Variants in HLCS observed in about 807,000 individuals in gnomAD.
HLCS encodes biotin--protein ligase.
HLCS carries 53 observed loss-of-function variants against 75.0 expected under a neutral mutation model. The ratio of observed to expected loss-of-function variants is 0.71; its 90% CI spans 0.57 to 0.89. The LOEUF (loss-of-function observed/expected upper bound fraction) is 0.89, where lower values mean the gene tolerates loss of function less well. Among genes scored for constraint, HLCS ranks in the 40% least tolerant of loss-of-function variants. HLCS has a pLI of 0.00. For synonymous variants in HLCS, 431 were observed against 428.6 expected (o/e 1.01, Z -0.07); for missense variants, 966 against 1,074.0 (o/e 0.90, Z 1.41).
intron 5 of HLCS, among the ~76,000 whole-genome samples, chr21:36,911,185 AT>A (rs1353879910): frequency 2.0e-5 from 3 of 152,130 alleles, no homozygotes; most frequent in African/African-American, 7.2e-5. Context: ...AGCCACCCTC[AT>A]CCCGTGGAGA....
chr21:36,769,647 GCT>G (rs2090163274), intron 6 of HLCS, among the ~76,000 whole-genome samples: 1 of 152,186 alleles, frequency 6.6e-6, no homozygotes, highest in Non-Finnish European at 1.5e-5. Flanking sequence ...CAGGAAAAGC[GCT>G]CTGTTTTGTA....
intron 6 of HLCS, among the ~76,000 whole-genome samples, chr21:36,786,989 A>T (rs1399565844): frequency 6.6e-6 from 1 of 152,228 alleles, no homozygotes; most frequent in Non-Finnish European, 1.5e-5. Context: ...CCCCAAGTGC[A>T]CTGAAAGATG....
intron 4 of HLCS, among the ~76,000 whole-genome samples, chr21:36,936,192 C>T (rs142590301): frequency 2.4e-4 from 37 of 152,244 alleles, no homozygotes; most frequent in African/African-American, 7.9e-4. Flanking sequence ...CTCAGTTAAC[C>T]AGCAAGCTCA....
intron 6 of HLCS, chr21:36,896,558 C>T (rs1475420986): frequency 7.0e-6 from 3 of 425,794 alleles, no homozygotes; most frequent in Admixed American, 3.8e-5. Flanking sequence ...ATAATGCCAC[C>T]GGTTAAACAT....
intron 6 of HLCS, among the ~76,000 whole-genome samples, chr21:36,767,868 G>A (rs2090095802): frequency 6.6e-6 from 1 of 152,168 alleles, no homozygotes; most frequent in Non-Finnish European, 1.5e-5. Context: ...ACTCTGCATC[G>A]TTTTCGGCTT....
rs138456554 is a variant in HLCS at position 36,958,138 on chromosome 21, G to C, written c.330+3898C>G. ...TGTGCCTGTAGTCCCAGCTACTCGG[G>C]TGGCTGAGGCAGGAGGATGGCGTCA... On this transcript the variant is annotated intron_variant, in intron 2 of 10. Coordinates refer to ENST00000674895, the MANE Select transcript of HLCS (RefSeq NM_001352514.2). Among the ~76,000 whole-genome samples, 848 of 151,510 alleles carry C rather than the reference G, an allele frequency of 5.6e-3. 5 individuals are homozygous for C. Among genetic ancestry groups the C allele is most frequent in the African/African-American group, 0.02 (816 of 41,308 alleles).
At chr21:36,959,072 C>G (rs1389503965) in intron 2 of HLCS, among the ~76,000 whole-genome samples, 1 of 152,140 alleles carries the variant, frequency 6.6e-6, no homozygotes, top group Non-Finnish European at 1.5e-5. Flanking sequence ...CCCAGTGCTC[C>G]CAGGCATAAC....
chr21:36,971,154 T>G (rs2068778927), upstream of HLCS, among the ~76,000 whole-genome samples: 1 of 152,172 alleles, frequency 6.6e-6, no homozygotes, highest in South Asian at 2.1e-4. Flanking sequence ...ATTTAGAGCA[T>G]CAAAAGAATT....
At position 36,834,817 on chromosome 21, in the gene HLCS, G is replaced by A. The variant is rs148412712; in HGVS notation, c.1892+62043C>T. 3.8e-3 allele frequency among the ~76,000 whole-genome samples: 582 copies of A among 152,316 alleles called. 3 individuals carry two copies. The highest frequency in any genetic ancestry group is 0.013 in the African/African-American group (561 of 41,560). On this transcript the variant is annotated intron_variant, in intron 6 of 10. Transcript: ENST00000674895. Reference sequence around the variant, plus strand: ...GATCCGCCTGCCTCGGCCTCCCATAGTGCTGGGATTACAGGCATGAGCCAC... The same window carrying A: ...GATCCGCCTGCCTCGGCCTCCCATAATGCTGGGATTACAGGCATGAGCCAC...
Position 36,930,395 on chromosome 21 carries a change from T to C in HLCS, c.1476A>G (p.Gln492=). Residue 492 remains glutamine, a synonymous_variant, in exon 5 of 11, where the codon CAA becomes CAG. Coordinates refer to ENST00000674895, the MANE Select transcript of HLCS (RefSeq NM_001352514.2). ...LELPPSSNIV[Q]TPEDFNLLKS... ...TGAGCAAGTTAAAATCTTCTGGAGT[T>C]TGCACTATGTTGGAGCTGGGAGGTA... 1 of 1,614,190 alleles carries C rather than the reference T, an allele frequency of 6.2e-7. No homozygotes were observed. Among genetic ancestry groups the C allele is most frequent in the Non-Finnish European group, 8.5e-7 (1 of 1,180,032 alleles).
intron 6 of HLCS, among the ~76,000 whole-genome samples, chr21:36,816,703 G>A (rs541350759): frequency 3.9e-5 from 6 of 152,294 alleles, no homozygotes; most frequent in African/African-American, 1.4e-4. Context: ...GAAATGTGTT[G>A]TAGATATAGA....
rs115264913 is a variant in HLCS, at chr21:36,917,179, T to C, written c.1620+13072A>G. On this transcript the variant is annotated intron_variant, in intron 5 of 10. Coordinates refer to ENST00000674895, the MANE Select transcript of HLCS (RefSeq NM_001352514.2). ...TTGAAAGGCCCTGCCAGCTCCTACA[T>C]GATCTGTAGATTTTTGTTCTGCTGT... 6.6e-3 allele frequency among the ~76,000 whole-genome samples: 1,003 copies of C among 152,322 alleles called. 14 individuals are homozygous for C. Among genetic ancestry groups the C allele is most frequent in the African/African-American group, 0.022 (931 of 41,560 alleles).
At chr21:36,904,961 C>T (rs929824910) in intron 5 of HLCS, among the ~76,000 whole-genome samples, 3 of 152,192 alleles carry the variant, frequency 2.0e-5, no homozygotes, top group African/African-American at 4.8e-5. Context: ...CTGCAATACG[C>T]AAATGCACCT....
chr21:36,756,207 G>A (rs2089567379), intron 10 of HLCS, among the ~76,000 whole-genome samples: 1 of 152,038 alleles, frequency 6.6e-6, no homozygotes, highest in Non-Finnish European at 1.5e-5. Flanking sequence ...GGGAGGCCAA[G>A]GCGGGCAGAT....
chr21:36,802,094 G>A (rs971908968), intron 6 of HLCS, among the ~76,000 whole-genome samples: 4 of 151,910 alleles, frequency 2.6e-5, no homozygotes, highest in African/African-American at 7.3e-5. Context: ...GTGATTCATC[G>A]AGGCAGGCTA....
intron 1 of HLCS, chr21:36,971,722 A>G (rs13052315): frequency 0.41 from 61,846 of 151,130 alleles, 13,377 homozygotes; most frequent in South Asian, 0.53. Context: ...CCACCTACTC[A>G]GGAGGCTGAG....
Position 36,937,467 on chromosome 21 carries a change from T to A in HLCS, c.494-75A>T, listed in dbSNP as rs1000571539. 55 of 1,258,938 alleles carry A rather than the reference T, an allele frequency of 4.4e-5. No homozygotes were observed. The African/African-American group carries it at 6.9e-4, about 16-fold the overall frequency. 78.0% of individuals were successfully genotyped at this position (1,258,938 alleles called of 1,614,324 possible). On this transcript the variant is annotated intron_variant, in intron 3 of 10. Transcript: ENST00000674895. Reference sequence around the variant, plus strand: ...TATGACACATAGCTCATCTCAAGAATCTCATCACCCTCTCTGCATTCTGGG... The same window carrying A: ...TATGACACATAGCTCATCTCAAGAAACTCATCACCCTCTCTGCATTCTGGG...
intron 6 of HLCS, among the ~76,000 whole-genome samples, chr21:36,783,672 G>A (rs2145846945): frequency 6.6e-6 from 1 of 152,292 alleles, no homozygotes; most frequent in African/African-American, 2.4e-5. Flanking sequence ...CTGAATCCCT[G>A]TTGGTGTTCT....
At chr21:36,754,470 A>T in intron 10 of HLCS, 53 bp from the exon 11 acceptor site, 1 of 1,559,452 alleles carries the variant, frequency 6.4e-7, no homozygotes, top group Non-Finnish European at 8.7e-7. Flanking sequence ...GGACGACTTA[A>T]GACAATGAGC....
Sources: gnomAD v4.1 joint callset for allele counts (sites outside exome capture counted in the v4.1 genomes callset) on GRCh38, gnomAD v4.1.1 for gene constraint, MANE v1.5 for transcripts, NCBI Gene and HGNC (gene_info 2026-07-23, HGNC 2026-07-21) for gene names.